Variants in DPYD observed in about 807,000 individuals in gnomAD.
DPYD encodes dihydropyrimidine dehydrogenase [NADP(+)].
A neutral mutation model predicts 116.2 loss-of-function variants in DPYD; 109 were observed. The ratio of observed to expected loss-of-function variants is 0.94; its 90% CI spans 0.80 to 1.10. The LOEUF (loss-of-function observed/expected upper bound fraction) is 1.10. Ranked by LOEUF, DPYD falls within the 50% of genes least tolerant of loss-of-function variation. The pLI, the probability that DPYD is intolerant of heterozygous loss-of-function variation, is 0.00. For synonymous variants in DPYD, 440 were observed against 432.0 expected (o/e 1.02, Z -0.23); for missense variants, 1,302 against 1,254.5 (o/e 1.04, Z -0.57).
chr1:97,675,376 A>C (rs914855000), intron 8 of DPYD, among the ~76,000 whole-genome samples: 2 of 152,210 alleles, frequency 1.3e-5, no homozygotes, highest in African/African-American at 2.4e-5. Flanking sequence ...ATAACAGACT[A>C]ATTTTGAATA....
chr1:97,589,693 T>C (rs1456461261), intron 10 of DPYD, among the ~76,000 whole-genome samples: 1 of 152,234 alleles, frequency 6.6e-6, no homozygotes, highest in Non-Finnish European at 1.5e-5. Flanking sequence ...TATTGTTCTG[T>C]ATTTCCCTCA....
At chr1:97,259,627 A>G (rs913220320) in intron 18 of DPYD, among the ~76,000 whole-genome samples, 2 of 152,118 alleles carry the variant, frequency 1.3e-5, no homozygotes, top group African/African-American at 4.8e-5. Flanking sequence ...AAGTCAGTGT[A>G]TAAGGTCAAG....
At chr1:97,403,495 A>G (rs1474155753) in intron 14 of DPYD, among the ~76,000 whole-genome samples, 1 of 152,032 alleles carries the variant, frequency 6.6e-6, no homozygotes, top group Admixed American at 6.6e-5. Context: ...GATTTCTTTA[A>G]TAGATATAAG....
At chr1:97,351,790 AAG>A (rs1167374412) in intron 16 of DPYD, among the ~76,000 whole-genome samples, 1 of 152,148 alleles carries the variant, frequency 6.6e-6, no homozygotes, top group African/African-American at 2.4e-5. Flanking sequence ...ATGTTTATAA[AAG>A]AGGAAATCAG....
At chr1:97,502,216 C>T (rs1292472840) in intron 13 of DPYD, among the ~76,000 whole-genome samples, 2 of 152,090 alleles carry the variant, frequency 1.3e-5, no homozygotes, top group African/African-American at 2.4e-5. Flanking sequence ...TTAACTGCCA[C>T]ATACATTTTC....
At chr1:97,220,366 C>A (rs1016537739) in intron 19 of DPYD, among the ~76,000 whole-genome samples, 1 of 152,140 alleles carries the variant, frequency 6.6e-6, no homozygotes. Context: ...CAGATGCAGC[C>A]CCTCAACCTT....
intron 20 of DPYD, among the ~76,000 whole-genome samples, chr1:97,122,660 T>C (rs969876055): frequency 3.3e-5 from 5 of 152,118 alleles, no homozygotes; most frequent in Admixed American, 6.6e-5. Flanking sequence ...AATTACCACA[T>C]GGCATTGCGA....
intron 13 of DPYD, among the ~76,000 whole-genome samples, chr1:97,460,930 G>A (rs7548444): frequency 0.035 from 5,243 of 151,772 alleles, 121 homozygotes; most frequent in East Asian, 0.096. Flanking sequence ...CCAGCTACTC[G>A]GGAGGCTGAG....
chr1:97,330,364 C>A (rs1668923620), intron 16 of DPYD, among the ~76,000 whole-genome samples: 1 of 152,054 alleles, frequency 6.6e-6, no homozygotes. Context: ...GAATGGTAAA[C>A]AGTAGGGTAT....
At chr1:97,512,574 A>C (rs548643918) in intron 13 of DPYD, among the ~76,000 whole-genome samples, 4 of 151,996 alleles carry the variant, frequency 2.6e-5, no homozygotes, top group Admixed American at 6.6e-5. Flanking sequence ...AAATTTATGG[A>C]CAAAATTAAT....
rs752581618 is a variant in DPYD at position 97,920,968 on chromosome 1, C to A, written c.-46G>T. The A allele has an allele frequency of 1.3e-6, 2 of 1,559,442 alleles. No homozygotes were observed. Among genetic ancestry groups the A allele is most frequent in the Non-Finnish European group, 1.7e-6 (2 of 1,151,558 alleles). ...GTCTGCCAGTGACAAACCCTCCTTG[C>A]GTCCTCAAGCTCCAGCCAGAGAGCC... On this transcript the variant is annotated 5_prime_UTR_variant, in exon 1 of 23. Coordinates refer to ENST00000370192, the MANE Select transcript of DPYD (RefSeq NM_000110.4).
intron 21 of DPYD, among the ~76,000 whole-genome samples, chr1:97,087,054 T>C (rs1469503908): frequency 9.9e-5 from 15 of 152,230 alleles, no homozygotes; most frequent in Admixed American, 9.8e-4. Flanking sequence ...CTTACTGAAT[T>C]TATGCTGATT....
At chr1:97,726,253 C>T (rs535316256) in intron 4 of DPYD, among the ~76,000 whole-genome samples, 92 of 151,492 alleles carry the variant, frequency 6.1e-4, no homozygotes, top group Non-Finnish European at 9.9e-4. Context: ...GTTCTTTCTC[C>T]TAGAAAACTA....
chr1:97,377,196 C>T (rs535026985), intron 15 of DPYD, among the ~76,000 whole-genome samples: 28 of 151,764 alleles, frequency 1.8e-4, no homozygotes, highest in East Asian at 9.7e-4. Context: ...GTTTCCAAGG[C>T]TAACACAGGA....
intron 3 of DPYD, among the ~76,000 whole-genome samples, chr1:97,819,419 T>C (rs1288077957): frequency 1.3e-5 from 2 of 151,984 alleles, no homozygotes; most frequent in Non-Finnish European, 1.5e-5. Context: ...TACATGGGCA[T>C]TTCTGATTAT....
intron 18 of DPYD, among the ~76,000 whole-genome samples, chr1:97,280,963 A>G (rs1248197538): frequency 2.0e-5 from 3 of 152,180 alleles, no homozygotes; most frequent in African/African-American, 7.2e-5. Flanking sequence ...TCATTATACA[A>G]TGTATTCGTG....
chr1:97,119,478 C>T (rs1034696066), intron 20 of DPYD, among the ~76,000 whole-genome samples: 8 of 152,072 alleles, frequency 5.3e-5, no homozygotes, highest in Admixed American at 5.2e-4. Flanking sequence ...CATGGGCTGA[C>T]AGGAGAGGGA....
In DPYD at chr1:97,287,759, C is replaced by T. The variant is rs373814370; in HGVS notation, c.2299+17500G>A. 2.4e-3 allele frequency among the ~76,000 whole-genome samples: 361 copies of T among 152,150 alleles called. 5 individuals carry two copies. The South Asian group carries it at 0.032, about 13-fold the overall frequency. On this transcript the variant is annotated intron_variant, in intron 18 of 22. Transcript: ENST00000370192. ...AGGTGCAGGATATAATCTCCTGGTG[C>T]GCCATTTTTTAAGCCTGTCGGAAAC... is the stretch of plus-strand genomic sequence containing the variant.
intron 8 of DPYD, among the ~76,000 whole-genome samples, chr1:97,650,113 G>T (rs766392064): frequency 2.4e-4 from 36 of 151,868 alleles, no homozygotes; most frequent in Non-Finnish European, 4.7e-4. Context: ...CCTCCACTTA[G>T]GGGATGTTCC....
Sources: gnomAD v4.1 joint callset for allele counts (sites outside exome capture counted in the v4.1 genomes callset) on GRCh38, gnomAD v4.1.1 for gene constraint, MANE v1.5 for transcripts, NCBI Gene and HGNC (gene_info 2026-07-23, HGNC 2026-07-21) for gene names.